WDR27: variants seen among roughly 807,000 people sequenced by gnomAD.
WDR27 encodes WD repeat domain 27.
WDR27 carries 100 observed loss-of-function variants against 114.4 expected under a neutral mutation model. The ratio of observed to expected loss-of-function variants is 0.87; its 90% CI spans 0.74 to 1.03. The LOEUF is 1.03. Among genes scored for constraint, WDR27 ranks in the 50% least tolerant of loss-of-function variants. The probability of loss-of-function intolerance (pLI) is 0.00; values close to 1 mark genes in which losing one functional copy is unlikely to be tolerated. For synonymous variants in WDR27, 449 were observed against 423.1 expected (o/e 1.06, Z -0.75); for missense variants, 1,129 against 1,092.9 (o/e 1.03, Z -0.47).
At chr6:169,688,438 G>A (rs545113371) in intron 2 of WDR27, among the ~76,000 whole-genome samples, 1 of 152,056 alleles carries the variant, frequency 6.6e-6, no homozygotes, top group South Asian at 2.1e-4. Context: ...TTTAGTTATA[G>A]TCATTACAAC....
intron 25 of WDR27, among the ~76,000 whole-genome samples, chr6:169,567,618 G>A (rs1240558566): frequency 6.6e-6 from 1 of 152,128 alleles, no homozygotes; most frequent in Non-Finnish European, 1.5e-5. Flanking sequence ...TGAAGGCGGC[G>A]TGCTGAGAAA....
chr6:169,632,189 CAAAAA>C (rs1012298678), intron 21 of WDR27, among the ~76,000 whole-genome samples: 2 of 63,898 alleles, frequency 3.1e-5, no homozygotes, highest in Non-Finnish European at 6.6e-5. Flanking sequence ...GACTCTGTCT[CAAAAA>C]AAAAAAAAAA....
At chr6:169,682,720 C>T (rs1233992853) in intron 2 of WDR27, among the ~76,000 whole-genome samples, 2 of 152,140 alleles carry the variant, frequency 1.3e-5, no homozygotes, top group African/African-American at 4.8e-5. Flanking sequence ...CCCCATCAAA[C>T]AGACAAAATA....
chr6:169,519,781 T>A (rs544689399), intron 25 of WDR27, among the ~76,000 whole-genome samples: 12 of 152,166 alleles, frequency 7.9e-5, no homozygotes, highest in Non-Finnish European at 1.5e-4. Context: ...AGAACTCAAA[T>A]ATGAAGATGA....
chr6:169,457,028 A>C (rs1445772332), downstream of WDR27, among the ~76,000 whole-genome samples: 1 of 150,384 alleles, frequency 6.6e-6, no homozygotes, highest in Non-Finnish European at 1.5e-5. Flanking sequence ...TGCAGAACCC[A>C]CGAGCAGAGG....
intron 20 of WDR27, among the ~76,000 whole-genome samples, 160 bp downstream of exon 20, chr6:169,634,268 C>T (rs564024628): frequency 3.7e-4 from 57 of 152,232 alleles, no homozygotes; most frequent in African/African-American, 1.3e-3. Context: ...AATTATTACA[C>T]GTACAATTAA....
At chr6:169,640,146 G>A (rs1332829398) in intron 17 of WDR27, among the ~76,000 whole-genome samples, 1 of 152,134 alleles carries the variant, frequency 6.6e-6, no homozygotes, top group Non-Finnish European at 1.5e-5. Context: ...TGCCTCCATA[G>A]CTCACAGGGA....
chr6:169,536,848 G>A (rs1326415170), intron 25 of WDR27, among the ~76,000 whole-genome samples: 1 of 152,196 alleles, frequency 6.6e-6, no homozygotes, highest in East Asian at 1.9e-4. Flanking sequence ...CTTAGTCTCT[G>A]GGTAAGGTAC....
At chr6:169,666,826 C>T (rs1827954320) in intron 6 of WDR27, 11 of 985,362 alleles carry the variant, frequency 1.1e-5, no homozygotes, top group Non-Finnish European at 1.3e-5. Flanking sequence ...TGTGTTTCTA[C>T]AGAGAGCAGA....
chr6:169,554,498 T>G (rs982473919), intron 25 of WDR27, among the ~76,000 whole-genome samples: 1 of 152,194 alleles, frequency 6.6e-6, no homozygotes, highest in African/African-American at 2.4e-5. Context: ...GAAATACAAT[T>G]TTAGATATTA....
intron 25 of WDR27, among the ~76,000 whole-genome samples, chr6:169,549,474 C>T (rs1797836403): frequency 6.6e-6 from 1 of 152,172 alleles, no homozygotes; most frequent in Admixed American, 6.5e-5. Flanking sequence ...CAGTTTCCCA[C>T]AGAACTAAAC....
intron 25 of WDR27, among the ~76,000 whole-genome samples, chr6:169,551,940 G>A (rs1398918934): frequency 3.3e-5 from 5 of 151,964 alleles, no homozygotes; most frequent in African/African-American, 1.2e-4. Context: ...ACAAAAACAG[G>A]GTCATCTGCA....
intron 24 of WDR27, among the ~76,000 whole-genome samples, chr6:169,581,226 A>G (rs141121267): frequency 4.0e-4 from 61 of 152,282 alleles, no homozygotes; most frequent in African/African-American, 1.4e-3. Context: ...ATTCAAAAAC[A>G]TTCTGTCAGT....
At chr6:169,639,870 G>T (rs1241172477) in intron 17 of WDR27, among the ~76,000 whole-genome samples, 1 of 152,106 alleles carries the variant, frequency 6.6e-6, no homozygotes, top group East Asian at 1.9e-4. Context: ...AGAAGCGGCG[G>T]ACACAAAGGA....
At chr6:169,520,939 G>A (rs1794304018) in intron 25 of WDR27, among the ~76,000 whole-genome samples, 1 of 152,138 alleles carries the variant, frequency 6.6e-6, no homozygotes, top group Non-Finnish European at 1.5e-5. Context: ...AGTTGAACAA[G>A]TTGAACAAGA....
intron 16 of WDR27, among the ~76,000 whole-genome samples, chr6:169,645,043 A>G (rs1562796590): frequency 0.011 from 627 of 59,650 alleles, 50 homozygotes; most frequent in African/African-American, 0.071. Flanking sequence ...AAATAAAAAA[A>G]AAAAAAAAAA....
intron 21 of WDR27, among the ~76,000 whole-genome samples, chr6:169,616,495 T>TAAG (rs144831448): frequency 9.3e-5 from 14 of 151,238 alleles, no homozygotes; most frequent in Admixed American, 2.0e-4. Context: ...TCCAAAAAAA[T>TAAG]AAGAAGAAGA....
At chr6:169,483,204 T>C (rs1562478079) in intron 25 of WDR27, among the ~76,000 whole-genome samples, 2 of 151,850 alleles carry the variant, frequency 1.3e-5, no homozygotes, top group Non-Finnish European at 1.5e-5. Flanking sequence ...CTGAAGGAGA[T>C]TGAGACACAA....
At chr6:169,591,108 G>C (rs1349792375) in intron 23 of WDR27, among the ~76,000 whole-genome samples, 2 of 152,122 alleles carry the variant, frequency 1.3e-5, no homozygotes, top group Non-Finnish European at 2.9e-5. Context: ...CGACTGTGCG[G>C]GAGCTCCCCT....
Sources: gnomAD v4.1 joint callset for allele counts (sites outside exome capture counted in the v4.1 genomes callset) on GRCh38, gnomAD v4.1.1 for gene constraint, MANE v1.5 for transcripts, NCBI Gene and HGNC (gene_info 2026-07-23, HGNC 2026-07-21) for gene names.